The following GRIP1 variants were observed in gnomAD, a reference collection of about 807,000 sequenced individuals.
The protein encoded by GRIP1 is glutamate receptor interacting protein 1, also known as glutamate receptor-interacting protein 1.
A neutral mutation model predicts 129.9 loss-of-function variants in GRIP1; 45 were observed. That is an observed-to-expected ratio of 0.35 (90% CI 0.27 to 0.44). GRIP1 has a LOEUF of 0.44. GRIP1 is among the 20% of genes least tolerant of loss of function. GRIP1 has a pLI of 1.00. For synonymous variants in GRIP1, 530 were observed against 520.8 expected (o/e 1.02, Z -0.24); for missense variants, 1,196 against 1,396.8 (o/e 0.86, Z 2.29).
At chr12:66,811,387 T>G (rs1326673624) in intron 1 of GRIP1, among the ~76,000 whole-genome samples, 1 of 152,360 alleles carries the variant, frequency 6.6e-6, no homozygotes, top group East Asian at 1.9e-4. Context: ...GAGGAAAGAG[T>G]TGGACTAGAA....
intron 1 of GRIP1, among the ~76,000 whole-genome samples, chr12:66,937,574 T>A (rs1316522289): frequency 6.6e-6 from 1 of 151,818 alleles, no homozygotes; most frequent in African/African-American, 2.4e-5. Flanking sequence ...CCCCCCAAAT[T>A]CAAAAAAAAT....
intron 15 of GRIP1, among the ~76,000 whole-genome samples, chr12:66,410,710 G>T (rs899650658): frequency 6.6e-6 from 1 of 152,018 alleles, no homozygotes; most frequent in Non-Finnish European, 1.5e-5. Flanking sequence ...CTAAAAAATA[G>T]CCTCAAAAGG....
At chr12:66,831,677 T>C (rs1273810468) in intron 1 of GRIP1, among the ~76,000 whole-genome samples, 2 of 152,216 alleles carry the variant, frequency 1.3e-5, no homozygotes, top group South Asian at 2.1e-4. Context: ...TAGAATCATA[T>C]ATCACTGAGA....
In GRIP1 at chr12:66,607,709, C is replaced by T. The variant is rs114631245; in HGVS notation, c.56-10782G>A. 3.2e-3 allele frequency among the ~76,000 whole-genome samples: 483 copies of T among 152,254 alleles called. 2 individuals are homozygous for T. The highest frequency in any genetic ancestry group is 0.011 in the African/African-American group (466 of 41,548). On this transcript the variant is annotated intron_variant, in intron 1 of 24. Coordinates refer to ENST00000359742, the MANE Select transcript of GRIP1 (RefSeq NM_001366722.1). The stretch of plus-strand genomic sequence containing the variant: ...GCCAAGCTCCATGGCAGAGGTGCTG[C>T]CACCTCAATTCTCAGACTCAGGAGT...
chr12:66,467,446 C>T (rs777161973), intron 7 of GRIP1, among the ~76,000 whole-genome samples: 27 of 152,172 alleles, frequency 1.8e-4, no homozygotes, highest in Non-Finnish European at 2.6e-4. Context: ...GGTCATTGTG[C>T]GTCCTGCCTT....
chr12:66,477,815 G>C (rs1339791812), intron 7 of GRIP1, among the ~76,000 whole-genome samples: 1 of 151,522 alleles, frequency 6.6e-6, no homozygotes, highest in Non-Finnish European at 1.5e-5. Flanking sequence ...CTGGGAAACT[G>C]GCTAGCCATA....
intron 1 of GRIP1, among the ~76,000 whole-genome samples, chr12:66,611,944 G>A (rs927027342): frequency 7.2e-5 from 11 of 152,168 alleles, no homozygotes; most frequent in African/African-American, 2.7e-4. Context: ...AACATGGCAA[G>A]TGGAAGCAGA....
intron 7 of GRIP1, among the ~76,000 whole-genome samples, chr12:66,483,609 T>C (rs1190481552): frequency 1.3e-5 from 2 of 152,214 alleles, no homozygotes; most frequent in Non-Finnish European, 2.9e-5. Context: ...TGGAATAACT[T>C]GACCCCTTAT....
chr12:66,550,256 G>A (rs1459348210), intron 2 of GRIP1, among the ~76,000 whole-genome samples: 2 of 152,240 alleles, frequency 1.3e-5, no homozygotes, highest in East Asian at 3.9e-4. Context: ...TCTACTTACA[G>A]AATGTGGTGA....
At chr12:66,915,485 A>G (rs996433243) in intron 1 of GRIP1, among the ~76,000 whole-genome samples, 2 of 152,156 alleles carry the variant, frequency 1.3e-5, no homozygotes, top group Non-Finnish European at 2.9e-5. Flanking sequence ...AAGGCGAGTG[A>G]GACGGAAACA....
chr12:66,973,919 C>CTTTTTTTTT (rs535699240), intron 1 of GRIP1, among the ~76,000 whole-genome samples: 74 of 121,296 alleles, frequency 6.1e-4, no homozygotes, highest in Non-Finnish European at 8.0e-4. Context: ...CTTTTCTTTT[C>CTTTTTTTTT]TTTTTTTTTT....
intron 1 of GRIP1, among the ~76,000 whole-genome samples, chr12:66,926,703 T>G (rs561570105): frequency 6.6e-6 from 1 of 152,370 alleles, no homozygotes; most frequent in Admixed American, 6.5e-5. Flanking sequence ...GAGGGCAATT[T>G]GTGAGGTGCC....
intron 1 of GRIP1, among the ~76,000 whole-genome samples, chr12:67,061,794 T>C (rs1164719292): frequency 5.9e-5 from 9 of 152,238 alleles, no homozygotes; most frequent in African/African-American, 1.9e-4. Flanking sequence ...TCCATCACTT[T>C]GGTGGTTCCT....
intron 2 of GRIP1, among the ~76,000 whole-genome samples, chr12:66,574,804 A>C (rs1269472046): frequency 1.2e-5 from 1 of 85,732 alleles, no homozygotes; most frequent in Non-Finnish European, 2.7e-5. Context: ...TTTTTTTTAG[A>C]CGGAGTCTCG....
chr12:66,621,568 A>C (rs1197394083), intron 1 of GRIP1, among the ~76,000 whole-genome samples: 1 of 152,130 alleles, frequency 6.6e-6, no homozygotes, highest in African/African-American at 2.4e-5. Flanking sequence ...GTGAGGTACA[A>C]GTATCTGTTT....
chr12:66,847,643 T>C (rs1036568171), intron 1 of GRIP1, among the ~76,000 whole-genome samples: 1 of 152,170 alleles, frequency 6.6e-6, no homozygotes, highest in Non-Finnish European at 1.5e-5. Context: ...GGTAGACATG[T>C]TAAAATTTGA....
At chr12:66,795,084 G>A (rs1327056785) in intron 1 of GRIP1, among the ~76,000 whole-genome samples, 1 of 152,160 alleles carries the variant, frequency 6.6e-6, no homozygotes, top group Admixed American at 6.5e-5. Flanking sequence ...GTTTTTAAAG[G>A]TATAAGTTCA....
intron 7 of GRIP1, among the ~76,000 whole-genome samples, chr12:66,494,203 G>C (rs1045195827): frequency 6.6e-6 from 1 of 152,054 alleles, no homozygotes; most frequent in Non-Finnish European, 1.5e-5. Flanking sequence ...TTTGGGTAAG[G>C]CTCAATAATG....
At chr12:66,992,147 C>A (rs537427224) in intron 1 of GRIP1, among the ~76,000 whole-genome samples, 2 of 152,208 alleles carry the variant, frequency 1.3e-5, no homozygotes, top group Non-Finnish European at 2.9e-5. Flanking sequence ...TATCCAGAAA[C>A]AATTGCAAAA....
Sources: allele counts gnomAD v4.1 joint callset (sites outside exome capture counted in the v4.1 genomes callset), GRCh38; gene constraint gnomAD v4.1.1; transcripts MANE v1.5; gene names NCBI Gene and HGNC (gene_info 2026-07-23, HGNC 2026-07-21).